CCBE1: variants seen among roughly 807,000 people sequenced by gnomAD.
The protein encoded by CCBE1 is collagen and calcium-binding EGF domain-containing protein 1.
Under a neutral mutation model 50.0 loss-of-function variants are expected in CCBE1, and 37 were observed. The observed-to-expected ratio is 0.74, with a 90% CI of 0.57 to 0.97. The LOEUF (loss-of-function observed/expected upper bound fraction) is 0.97. Ranked by LOEUF, CCBE1 falls within the 50% of genes least tolerant of loss-of-function variation. The probability of loss-of-function intolerance (pLI) is 0.00; values close to 1 mark genes in which losing one functional copy is unlikely to be tolerated. For synonymous variants in CCBE1, 234 were observed against 203.7 expected (o/e 1.15, Z -1.27); for missense variants, 538 against 523.8 (o/e 1.03, Z -0.26).
chr18:59,598,554 C>A (rs904175816), intron 2 of CCBE1, among the ~76,000 whole-genome samples: 1 of 152,226 alleles, frequency 6.6e-6, no homozygotes, highest in African/African-American at 2.4e-5. Flanking sequence ...ACAGCAGGTG[C>A]AGGCTGGAAA....
At chr18:59,645,486 T>A (rs1176427713) in intron 2 of CCBE1, among the ~76,000 whole-genome samples, 1 of 152,212 alleles carries the variant, frequency 6.6e-6, no homozygotes, top group African/African-American at 2.4e-5. Flanking sequence ...CCACAGCTTA[T>A]CTATGGTACT....
At chr18:59,598,270 C>T (rs1018352360) in intron 2 of CCBE1, among the ~76,000 whole-genome samples, 1 of 152,186 alleles carries the variant, frequency 6.6e-6, no homozygotes, top group Admixed American at 6.5e-5. Flanking sequence ...TGTCCCTTCA[C>T]CCCAGAATCA....
intron 2 of CCBE1, among the ~76,000 whole-genome samples, chr18:59,576,464 G>A (rs2144498398): frequency 6.6e-6 from 1 of 152,318 alleles, no homozygotes; most frequent in Middle Eastern, 3.4e-3. Flanking sequence ...AGCTTTAGTA[G>A]AAATATCAAT....
chr18:59,443,745 C>T (rs1910548618), intron 7 of CCBE1, among the ~76,000 whole-genome samples: 1 of 152,164 alleles, frequency 6.6e-6, no homozygotes, highest in African/African-American at 2.4e-5. Flanking sequence ...GCTGGGATTA[C>T]AGGTGTGAGC....
chr18:59,552,645 A>G (rs1051968649), intron 2 of CCBE1, among the ~76,000 whole-genome samples: 2 of 152,204 alleles, frequency 1.3e-5, no homozygotes, highest in Non-Finnish European at 2.9e-5. Context: ...GTTTGGAAAG[A>G]TCACTTTACT....
intron 6 of CCBE1, among the ~76,000 whole-genome samples, chr18:59,452,731 G>A (rs1911000570): frequency 6.6e-6 from 1 of 152,188 alleles, no homozygotes; most frequent in South Asian, 2.1e-4. Context: ...TTTTCCACGG[G>A]GTCATGGTGC....
intron 2 of CCBE1, among the ~76,000 whole-genome samples, chr18:59,536,882 C>T (rs943450281): frequency 2.0e-5 from 3 of 151,368 alleles, no homozygotes; most frequent in Non-Finnish European, 1.5e-5. Context: ...ATCCCAGCTA[C>T]TCGGGAGGCT....
intron 2 of CCBE1, among the ~76,000 whole-genome samples, chr18:59,630,754 T>G (rs2053839648): frequency 6.6e-6 from 1 of 152,324 alleles, no homozygotes; most frequent in East Asian, 1.9e-4. Flanking sequence ...TGTTCATGTT[T>G]TAAAACCATC....
In CCBE1 at chr18:59,432,788, C is replaced by T. The variant is rs1909988035; in HGVS notation, c.*3120G>A. The T allele has an allele frequency of 1.3e-5, 2 of 152,050 alleles. No homozygotes were observed. Among genetic ancestry groups the T allele is most frequent in the Admixed American group, 1.3e-4 (2 of 15,260 alleles). The allele number at this position is 152,050 out of a possible 1,614,324, so 9.4% of individuals were successfully genotyped here. A position where few individuals can be genotyped will look rare whatever the true frequency, so the allele number is the denominator to read the frequency against. On this transcript the variant is annotated 3_prime_UTR_variant, in exon 11 of 11. Coordinates refer to ENST00000439986, the MANE Select transcript of CCBE1 (RefSeq NM_133459.4). ...TAATTCTTTTAATATATTATTCTAG[C>T]CTATGGCCAAACATGCAGTTTGGTT...
intron 2 of CCBE1, among the ~76,000 whole-genome samples, chr18:59,578,084 G>T (rs1418991818): frequency 1.3e-5 from 2 of 152,060 alleles, no homozygotes; most frequent in Non-Finnish European, 2.9e-5. Flanking sequence ...CTAATATTTA[G>T]AATCTACAAG....
intron 2 of CCBE1, among the ~76,000 whole-genome samples, chr18:59,645,239 C>T (rs911833873): frequency 6.9e-6 from 1 of 143,934 alleles, no homozygotes; most frequent in African/African-American, 2.5e-5. Flanking sequence ...ACAACAACAA[C>T]AAAAAAGCTA....
chr18:59,683,214 T>C (rs2054615707), intron 2 of CCBE1, among the ~76,000 whole-genome samples: 1 of 152,132 alleles, frequency 6.6e-6, no homozygotes, highest in African/African-American at 2.4e-5. Context: ...GATTTAGATA[T>C]GCTCCTAGTG....
intron 6 of CCBE1, 54 bp from the exon 7 acceptor site, chr18:59,448,157 G>C (rs539819167): frequency 1.2e-6 from 2 of 1,609,990 alleles, no homozygotes; most frequent in Admixed American, 1.7e-5. Flanking sequence ...AGAGAGCCTC[G>C]GCATTTGTCT....
chr18:59,656,994 T>C (rs2054199866), intron 2 of CCBE1, among the ~76,000 whole-genome samples: 1 of 152,204 alleles, frequency 6.6e-6, no homozygotes, highest in African/African-American at 2.4e-5. Context: ...ATTCATCCCC[T>C]GGGAGCAATG....
rs181614214 is a variant in CCBE1 at position 59,675,189 on chromosome 18, G to A, written c.212+21440C>T. Among the ~76,000 whole-genome samples, 4 of 152,318 alleles carry A rather than the reference G, an allele frequency of 2.6e-5. No individual in the cohort carries two copies. The East Asian group carries it at 5.8e-4, about 22-fold the overall frequency. On this transcript the variant is annotated intron_variant, in intron 2 of 10. Coordinates refer to ENST00000439986, the MANE Select transcript of CCBE1 (RefSeq NM_133459.4). ...CTAGTAGCTTTTGTTCCTATGAGCA[G>A]TTCTAGTGCCCAATGACAGAAGCCT...
rs1909944365 is a variant in CCBE1 at position 59,431,463 on chromosome 18, G to A, written c.*4445C>T. Reference sequence around the variant, plus strand: ...GACAGATGTTAAGTCTGCAGAATGAGGCTGCTGTGGTTGTTTCTGGGGCAC... The same window carrying A: ...GACAGATGTTAAGTCTGCAGAATGAAGCTGCTGTGGTTGTTTCTGGGGCAC... On this transcript the variant is annotated 3_prime_UTR_variant, in exon 11 of 11. Coordinates refer to ENST00000439986, the MANE Select transcript of CCBE1 (RefSeq NM_133459.4). 7.9e-6 allele frequency: 1 copy of A among 126,692 alleles called. No individual in the cohort carries two copies. The highest frequency in any genetic ancestry group is 1.7e-5 in the Non-Finnish European group (1 of 58,744). 7.8% of individuals were successfully genotyped at this position (126,692 alleles called of 1,614,324 possible). A position where few individuals can be genotyped will look rare whatever the true frequency, so the allele number is the denominator to read the frequency against.
intron 2 of CCBE1, among the ~76,000 whole-genome samples, chr18:59,530,842 A>G (rs1216176779): frequency 6.6e-6 from 1 of 152,260 alleles, no homozygotes; most frequent in Non-Finnish European, 1.5e-5. Flanking sequence ...TTATTAATCA[A>G]TACTATTAGG....
chr18:59,540,195 C>A (rs1249967116), intron 2 of CCBE1, among the ~76,000 whole-genome samples: 1 of 152,126 alleles, frequency 6.6e-6, no homozygotes, highest in Non-Finnish European at 1.5e-5. Context: ...TTAACATTTC[C>A]TCCATTGAGA....
At chr18:59,559,663 G>A (rs1019773455) in intron 2 of CCBE1, among the ~76,000 whole-genome samples, 16 of 152,218 alleles carry the variant, frequency 1.1e-4, no homozygotes, top group African/African-American at 2.7e-4. Flanking sequence ...CAAAGACCAC[G>A]TGTGGACTTG....
Sources: allele counts gnomAD v4.1 joint callset (sites outside exome capture counted in the v4.1 genomes callset), GRCh38; gene constraint gnomAD v4.1.1; transcripts MANE v1.5; gene names NCBI Gene and HGNC (gene_info 2026-07-23, HGNC 2026-07-21).